IL23R: variants seen among roughly 807,000 people sequenced by gnomAD.
IL23R encodes the protein interleukin-23 receptor.
Under a neutral mutation model 56.9 loss-of-function variants are expected in IL23R, and 34 were observed. That is an observed-to-expected ratio of 0.60 (90% CI 0.45 to 0.80). The LOEUF (loss-of-function observed/expected upper bound fraction) is 0.80, where lower values mean the gene tolerates loss of function less well. Among genes scored for constraint, IL23R ranks in the 30% least tolerant of loss-of-function variants. IL23R has a pLI of 0.00. For missense variants in IL23R, 635 were observed against 730.0 expected, an observed-to-expected ratio of 0.87 and a Z score of 1.50; for synonymous variants, 230 against 249.2, an observed-to-expected ratio of 0.92 and a Z score of 0.73.
At chr1:67,205,460 T>G (rs1648939838) in intron 5 of IL23R, among the ~76,000 whole-genome samples, 1 of 152,208 alleles carries the variant, frequency 6.6e-6, no homozygotes, top group Non-Finnish European at 1.5e-5. Flanking sequence ...CTTGAGTTCT[T>G]TGTTAAATAG....
intron 4 of IL23R, among the ~76,000 whole-genome samples, chr1:67,199,523 G>T (rs1648445479): frequency 6.6e-6 from 1 of 152,250 alleles, no homozygotes; most frequent in African/African-American, 2.4e-5. Context: ...GGCACAGTAG[G>T]CACAGTGGCT....
intron 6 of IL23R, among the ~76,000 whole-genome samples, chr1:67,208,736 G>C (rs1649252818): frequency 6.6e-6 from 1 of 152,222 alleles, no homozygotes; most frequent in Non-Finnish European, 1.5e-5. Context: ...GTAGGGCAGT[G>C]TGGAAGCAAA....
chr1:67,258,693 A>G lies in IL23R; in HGVS notation c.1455A>G (p.Lys485=). The change falls in exon 11 of 11, where the codon AAA becomes AAG. Residue 485 remains lysine (K), a synonymous_variant. Transcript: ENST00000347310. ...TTCCTGATCTCAACACTGGATATAA[A>G]CCCCAAATTTCAAATTTTCTGCCTG... is the stretch of plus-strand genomic sequence containing the variant. ...VYIPDLNTGY[K]PQISNFLPEG... is the part of the protein sequence containing the mutation. The G allele has an allele frequency of 6.2e-7, 1 of 1,613,882 alleles. No individual in the cohort carries two copies. Among genetic ancestry groups the G allele is most frequent in the Non-Finnish European group, 8.5e-7 (1 of 1,179,926 alleles).
intron 5 of IL23R, among the ~76,000 whole-genome samples, chr1:67,204,304 C>T (rs1285356484): frequency 3.3e-5 from 5 of 152,088 alleles, no homozygotes; most frequent in Non-Finnish European, 5.9e-5. Flanking sequence ...ACCTCATGAT[C>T]GGCCCGCCTC....
intron 9 of IL23R, 96 bp downstream of exon 9, chr1:67,240,377 T>A (rs1002162023): frequency 3.9e-6 from 3 of 767,932 alleles, no homozygotes; most frequent in Non-Finnish European, 6.8e-6. Context: ...AAAAATCTGT[T>A]AACATTTTTA....
upstream of IL23R, among the ~76,000 whole-genome samples, chr1:67,164,493 G>A (rs1207783485): frequency 6.6e-6 from 1 of 152,096 alleles, no homozygotes; most frequent in Non-Finnish European, 1.5e-5. Flanking sequence ...AATTACCGGG[G>A]CATGGTGGCA....
At chr1:67,160,491 C>T (rs961691968) in intron 1 of IL23R, among the ~76,000 whole-genome samples, 4 of 152,202 alleles carry the variant, frequency 2.6e-5, no homozygotes, top group African/African-American at 9.7e-5. Flanking sequence ...AGAAAATCCT[C>T]ATGTTTTAGA....
At chr1:67,205,735 A>G (rs1648956434) in intron 5 of IL23R, among the ~76,000 whole-genome samples, 1 of 152,232 alleles carries the variant, frequency 6.6e-6, no homozygotes, top group African/African-American at 2.4e-5. Context: ...GCTTTCTTCA[A>G]ATAAAATTTC....
At chr1:67,230,612 G>A (rs1651035810) in intron 7 of IL23R, among the ~76,000 whole-genome samples, 1 of 152,014 alleles carries the variant, frequency 6.6e-6, no homozygotes, top group South Asian at 2.1e-4. Flanking sequence ...TACATACCAA[G>A]TACCTAAAGC....
intron 8 of IL23R, among the ~76,000 whole-genome samples, chr1:67,239,568 AT>A (rs1311176378): frequency 1.3e-5 from 2 of 152,100 alleles, no homozygotes; most frequent in Non-Finnish European, 2.9e-5. Flanking sequence ...CCCAGCCAGC[AT>A]TGTTTTTTAA....
chr1:67,244,031 G>A (rs1652032186), intron 9 of IL23R, among the ~76,000 whole-genome samples: 2 of 152,060 alleles, frequency 1.3e-5, no homozygotes, highest in African/African-American at 4.8e-5. Flanking sequence ...ATCTCATTGT[G>A]GTTTTGATTT....
intron 8 of IL23R, among the ~76,000 whole-genome samples, chr1:67,238,632 A>T (rs1236555182): frequency 6.6e-6 from 1 of 152,150 alleles, no homozygotes; most frequent in Non-Finnish European, 1.5e-5. Context: ...AGCTGATAAG[A>T]GGCAGAGTTT....
chr1:67,140,074 G>T (rs886814417), intron 1 of IL23R, among the ~76,000 whole-genome samples: 2 of 152,126 alleles, frequency 1.3e-5, no homozygotes, highest in African/African-American at 4.8e-5. Context: ...ACCAGATGTG[G>T]CCCCTCAACC....
chr1:67,228,070 T>TAA lies in IL23R; in HGVS notation c.955+8340_955+8341insAA. On this transcript the variant is annotated intron_variant, in intron 7 of 10. Transcript: ENST00000347310. ...CTTTCTTTCTTTCTTTCTCTGTCTC[T>TAA]CTCTTTCTTTCTTTTCTTTCTTTCT... Among the ~76,000 whole-genome samples, 7 of 112,062 alleles carry TAA rather than the reference T, an allele frequency of 6.2e-5. 1 individual carries two copies. The South Asian group carries it at 2.2e-3, about 35-fold the overall frequency. 73.5% of individuals were successfully genotyped at this position (112,062 alleles called of 152,430 possible). A position where few individuals can be genotyped will look rare whatever the true frequency, so the allele number is the denominator to read the frequency against.
chr1:67,265,581 G>T, the IL23R span, among the ~76,000 whole-genome samples: 1 of 151,940 alleles, frequency 6.6e-6, no homozygotes, highest in Admixed American at 6.6e-5. Context: ...ATCTATTAAT[G>T]AACATTTAGG....
intron 7 of IL23R, among the ~76,000 whole-genome samples, chr1:67,224,551 C>T (rs868682768): frequency 3.3e-5 from 5 of 152,180 alleles, no homozygotes; most frequent in African/African-American, 9.7e-5. Context: ...CCTGCAGCCT[C>T]GGCATTCTTA....
chr1:67,189,928 C>T (rs1353389924), intron 4 of IL23R, among the ~76,000 whole-genome samples: 1 of 151,922 alleles, frequency 6.6e-6, no homozygotes, highest in Non-Finnish European at 1.5e-5. Flanking sequence ...TAGCCAGACC[C>T]TGTCTCAAAA....
chr1:67,245,332 C>T (rs1219230998), intron 9 of IL23R, among the ~76,000 whole-genome samples: 1 of 152,200 alleles, frequency 6.6e-6, no homozygotes, highest in Admixed American at 6.5e-5. Context: ...CTGGCCAGAA[C>T]TTCCAATACT....
At chr1:67,248,318 A>C (rs1652378279) in intron 9 of IL23R, among the ~76,000 whole-genome samples, 1 of 151,984 alleles carries the variant, frequency 6.6e-6, no homozygotes, top group South Asian at 2.1e-4. Context: ...GATTCTTTTC[A>C]TTCTTTTTTC....
Sources: gnomAD v4.1 joint callset for allele counts (sites outside exome capture counted in the v4.1 genomes callset) on GRCh38, gnomAD v4.1.1 for gene constraint, MANE v1.5 for transcripts, NCBI Gene and HGNC (gene_info 2026-07-23, HGNC 2026-07-21) for gene names.